The following CASP4 variants were observed in gnomAD, a reference collection of about 807,000 sequenced individuals.
The protein encoded by CASP4 is caspase-4.
Under a neutral mutation model 41.3 loss-of-function variants are expected in CASP4, and 29 were observed. The observed-to-expected ratio is 0.70, with a 90% CI of 0.52 to 0.96. The LOEUF (loss-of-function observed/expected upper bound fraction) is 0.96, where lower values mean the gene tolerates loss of function less well. Ranked by LOEUF, CASP4 falls within the 40% of genes least tolerant of loss-of-function variation. The probability of loss-of-function intolerance (pLI) is 0.00; values close to 1 mark genes in which losing one functional copy is unlikely to be tolerated. For synonymous variants in CASP4, 185 were observed against 158.4 expected, an observed-to-expected ratio of 1.17 and a Z score of -1.26; for missense variants, 447 against 460.6, an observed-to-expected ratio of 0.97 and a Z score of 0.27.
At chr11:104,946,428 A>T (rs904428048) in intron 7 of CASP4, among the ~76,000 whole-genome samples, 1 of 152,198 alleles carries the variant, frequency 6.6e-6, no homozygotes, top group Non-Finnish European at 1.5e-5. Flanking sequence ...CAAGTAAAAA[A>T]CCAGACACAT....
intron 1 of CASP4, among the ~76,000 whole-genome samples, chr11:104,957,356 C>G (rs747030151): frequency 6.6e-6 from 1 of 151,982 alleles, no homozygotes; most frequent in Non-Finnish European, 1.5e-5. Context: ...AACAAGTACA[C>G]GTAAAAGTAT....
chr11:104,956,654 G>C, intron 1 of CASP4: 1 of 985,048 alleles, frequency 1.0e-6, no homozygotes, highest in Non-Finnish European at 1.2e-6. Flanking sequence ...AAGGGGCTCA[G>C]AAAACATTAG....
intron 1 of CASP4, among the ~76,000 whole-genome samples, chr11:104,966,558 T>C (rs1860980034): frequency 1.3e-5 from 2 of 152,176 alleles, no homozygotes; most frequent in South Asian, 4.1e-4. Flanking sequence ...CACTGAGACC[T>C]GAAGGACTGG....
At chr11:104,961,865 A>T (rs544446777) in intron 1 of CASP4, among the ~76,000 whole-genome samples, 1 of 152,122 alleles carries the variant, frequency 6.6e-6, no homozygotes, top group Non-Finnish European at 1.5e-5. Flanking sequence ...GCCCTGGAGA[A>T]AGTTCAATAG....
intron 1 of CASP4, among the ~76,000 whole-genome samples, chr11:104,962,252 G>A (rs548438532): frequency 9.9e-5 from 15 of 152,218 alleles, no homozygotes; most frequent in South Asian, 8.3e-4. Flanking sequence ...TCTTCTGGAA[G>A]TTACAGAGAA....
At chr11:104,950,581 A>G (rs1199464981) in intron 4 of CASP4, among the ~76,000 whole-genome samples, 1 of 151,908 alleles carries the variant, frequency 6.6e-6, no homozygotes, top group Non-Finnish European at 1.5e-5. Flanking sequence ...CAAGTTTAGG[A>G]TTCAATATTT....
chr11:104,965,365 G>A (rs1860949760), intron 1 of CASP4, among the ~76,000 whole-genome samples: 1 of 152,142 alleles, frequency 6.6e-6, no homozygotes, highest in Non-Finnish European at 1.5e-5. Context: ...CTCACCTTGG[G>A]GTTCACTCTA....
chr11:104,949,141 A>G, intron 5 of CASP4: 1 of 277,308 alleles, frequency 3.6e-6, no homozygotes, highest in South Asian at 4.5e-5. Context: ...CCCCTCAATA[A>G]TTATAAGAAA....
intron 1 of CASP4, among the ~76,000 whole-genome samples, chr11:104,958,984 AAAAG>A (rs1237100604): frequency 2.2e-4 from 32 of 146,236 alleles, no homozygotes; most frequent in Non-Finnish European, 3.0e-4. Flanking sequence ...AAAAAAAAAA[AAAAG>A]AGTAAATTAG....
intron 1 of CASP4, among the ~76,000 whole-genome samples, chr11:104,956,142 T>C (rs1409680031): frequency 1.3e-5 from 2 of 152,156 alleles, no homozygotes; most frequent in Non-Finnish European, 2.9e-5. Flanking sequence ...TAAAACAATT[T>C]AAATCATTAT....
At chr11:104,966,464 GA>G (rs1280604717) in intron 1 of CASP4, among the ~76,000 whole-genome samples, 2 of 152,180 alleles carry the variant, frequency 1.3e-5, no homozygotes, top group Non-Finnish European at 2.9e-5. Flanking sequence ...AATATTATAA[GA>G]ATGTAAATAA....
At chr11:104,961,522 C>A (rs1184876762) in intron 1 of CASP4, among the ~76,000 whole-genome samples, 3 of 152,034 alleles carry the variant, frequency 2.0e-5, no homozygotes, top group African/African-American at 7.2e-5. Flanking sequence ...GTCTGTAGCC[C>A]CATTGCAGGG....
In CASP4 at chr11:104,968,556, T is replaced by A; in HGVS notation, c.-31A>T. The A allele has an allele frequency of 6.2e-7, 1 of 1,612,196 alleles. No homozygotes were observed. The highest frequency in any genetic ancestry group is 8.5e-7 in the Non-Finnish European group (1 of 1,178,400). On this transcript the variant is annotated 5_prime_UTR_variant, in exon 1 of 9. Transcript: ENST00000444739. The stretch of plus-strand genomic sequence containing the variant: ...ACAGCCTCTGTCCTTTTTTACAGCG[T>A]TGGAAAGAGCCTCAGAGTCAAAAAT...
chr11:104,965,058 A>C (rs1860942775), intron 1 of CASP4, among the ~76,000 whole-genome samples: 2 of 152,218 alleles, frequency 1.3e-5, no homozygotes, highest in South Asian at 2.1e-4. Context: ...CTTCAAAAGA[A>C]AACATATAAT....
At chr11:104,956,721 G>C (rs1288590134) in intron 1 of CASP4, 1 of 746,210 alleles carries the variant, frequency 1.3e-6, no homozygotes, top group Non-Finnish European at 1.6e-6. Context: ...AAAAATGTTA[G>C]TCTTGCAACA....
At position 104,960,202 on chromosome 11, in the gene CASP4, C is replaced by T. The variant is rs560854551; in HGVS notation, c.8-5201G>A. On this transcript the variant is annotated intron_variant, in intron 1 of 8. Transcript: ENST00000444739. ...ACTGCTGTCTGTCTAACCTTCAAGT[C>T]TCAGATTAGATGGCACCTTTCTCAG... Among the ~76,000 whole-genome samples the T allele has an allele frequency of 2.5e-4, 38 of 152,262 alleles. No homozygotes were observed. In the East Asian group the frequency reaches 7.0e-3, roughly 28 times the overall value.
At chr11:104,961,619 A>G (rs968918130) in intron 1 of CASP4, among the ~76,000 whole-genome samples, 10 of 152,176 alleles carry the variant, frequency 6.6e-5, no homozygotes, top group African/African-American at 2.4e-4. Flanking sequence ...GTCTTGGTTC[A>G]CGAGACTTGT....
At chr11:104,953,029 A>G (rs1860652931) in intron 2 of CASP4, among the ~76,000 whole-genome samples, 1 of 152,198 alleles carries the variant, frequency 6.6e-6, no homozygotes, top group Non-Finnish European at 1.5e-5. Flanking sequence ...TAACTTAGTC[A>G]TCTCCTAATG....
intron 4 of CASP4, 37 bp downstream of exon 4, chr11:104,950,883 TCTTGA>T: frequency 2.5e-6 from 4 of 1,586,830 alleles, no homozygotes; most frequent in Non-Finnish European, 3.4e-6. Flanking sequence ...GAAGGATGTG[TCTTGA>T]ATATGTATGT....
Sources: allele counts gnomAD v4.1 joint callset (sites outside exome capture counted in the v4.1 genomes callset), GRCh38; gene constraint gnomAD v4.1.1; transcripts MANE v1.5; gene names NCBI Gene and HGNC (gene_info 2026-07-23, HGNC 2026-07-21).